ROS1: variants seen among roughly 807,000 people sequenced by gnomAD.
ROS1 encodes ROS proto-oncogene 1, receptor tyrosine kinase, also known as proto-oncogene tyrosine-protein kinase ROS.
A neutral mutation model predicts 273.5 loss-of-function variants in ROS1; 263 were observed. That is an observed-to-expected ratio of 0.96 (90% CI 0.87 to 1.06). The LOEUF is 1.06. Ranked by LOEUF, ROS1 falls within the 50% of genes least tolerant of loss-of-function variation. ROS1 has a pLI of 0.00. For synonymous variants in ROS1, 1,008 were observed against 954.1 expected (o/e 1.06, Z -1.04); for missense variants, 2,833 against 2,751.1 (o/e 1.03, Z -0.67).
At chr6:117,327,268 C>T (rs1776708145) in intron 33 of ROS1, among the ~76,000 whole-genome samples, 2 of 152,180 alleles carry the variant, frequency 1.3e-5, no homozygotes, top group South Asian at 2.1e-4. Flanking sequence ...TCGGGAGCAG[C>T]AGGGCAGCAG....
At position 117,365,104 on chromosome 6, in the gene ROS1, C is replaced by T; in HGVS notation, c.3059G>A (p.Gly1020Glu). The stretch of plus-strand genomic sequence containing the variant: ...TGACAGAGATGTTTTGGGGCCCTTT[C>T]CCCAGTAGGTATAAGGAGTGACAGA... The part of the protein sequence containing the change: ...NLSVTPYTYW[G>E]KGPKTSLSLR... Residue 1020 changes from glycine to glutamate, a missense_variant, in exon 21 of 44, where the codon GGA becomes GAA. Transcript: ENST00000368507. The T allele has an allele frequency of 6.2e-7, 1 of 1,613,726 alleles. No individual in the cohort carries two copies. The highest frequency in any genetic ancestry group is 1.1e-5 in the South Asian group (1 of 91,046).
rs745741484 is a variant in ROS1, at chr6:117,310,170, A to G, written c.6327T>C (p.Tyr2109=). ...LARDIYKNDY[Y]RKRGEGLLPV... ...GGAGCAGGCCTTCCCCTCTCTTTCT[A>G]TAGTAATCATTTTTATAGATGTCTC... Residue 2109 remains tyrosine (Y), a synonymous_variant, in exon 41 of 44, where the codon TAT becomes TAC. Coordinates refer to ENST00000368507, the MANE Select transcript of ROS1 (RefSeq NM_001378902.1). 3 of 1,613,318 alleles carry G rather than the reference A, an allele frequency of 1.9e-6. No homozygotes were observed. The highest frequency in any genetic ancestry group is 2.2e-5 in the East Asian group (1 of 44,836).
At chr6:117,325,940 C>A (rs2128580581) in intron 34 of ROS1, among the ~76,000 whole-genome samples, 1 of 151,598 alleles carries the variant, frequency 6.6e-6, no homozygotes, top group Non-Finnish European at 1.5e-5. Context: ...TGTGAACAGC[C>A]TTGGAAGCCT....
At chr6:117,363,084 G>A (rs1457722751) in intron 21 of ROS1, among the ~76,000 whole-genome samples, 2 of 152,094 alleles carry the variant, frequency 1.3e-5, no homozygotes, top group Non-Finnish European at 2.9e-5. Flanking sequence ...TGACTGACAG[G>A]CAAGACTTCC....
chr6:117,320,499 G>C (rs1371910609), intron 36 of ROS1, among the ~76,000 whole-genome samples: 1 of 152,008 alleles, frequency 6.6e-6, no homozygotes, highest in Non-Finnish European at 1.5e-5. Context: ...TCACCATAAG[G>C]TTAACTTTAA....
In ROS1 at chr6:117,356,502, C is replaced by T. The variant is rs142120857; in HGVS notation, c.4126+127G>A. The T allele has an allele frequency of 1.1e-3, 888 of 788,658 alleles. 5 individuals are homozygous for T. The African/African-American group carries it at 0.013, about 12-fold the overall frequency. The allele number at this position is 788,658 out of a possible 1,614,324, so 48.9% of individuals were successfully genotyped here. On this transcript the variant is annotated intron_variant, in intron 26 of 43. Transcript: ENST00000368507. ...ACTTGATTTGAATTCTGCAAGAACA[C>T]TTGGCATGGTACAGAGCAAATATCA...
rs914609502 is a variant in ROS1, at chr6:117,344,270, A to G, written c.4304-8T>C. On this transcript the variant is annotated splice_polypyrimidine_tract_variant and splice_region_variant and intron_variant, in intron 27 of 43. Coordinates refer to ENST00000368507, the MANE Select transcript of ROS1 (RefSeq NM_001378902.1). ...GAGACAGAAACGCTTTATCTAAAAT[A>G]AGAAGAAACCAAAAGATTAAATATC... The G allele has an allele frequency of 6.2e-7, 1 of 1,604,730 alleles. No homozygotes were observed. The highest frequency in any genetic ancestry group is 1.3e-5 in the African/African-American group (1 of 74,658).
intron 22 of ROS1, among the ~76,000 whole-genome samples, chr6:117,361,775 A>G (rs1159060993): frequency 6.6e-6 from 1 of 151,938 alleles, no homozygotes; most frequent in African/African-American, 2.4e-5. Context: ...TACACAACTC[A>G]AATCTCCAAA....
intron 43 of ROS1, among the ~76,000 whole-genome samples, chr6:117,290,000 T>C (rs1360608684): frequency 1.3e-5 from 2 of 152,142 alleles, no homozygotes; most frequent in Admixed American, 1.3e-4. Context: ...AATCCAATAA[T>C]TGGGGAAATT....
At chr6:117,404,990 C>T (rs150275413) in intron 5 of ROS1, among the ~76,000 whole-genome samples, 108 of 152,296 alleles carry the variant, frequency 7.1e-4, no homozygotes, top group African/African-American at 2.5e-3. Context: ...TTACAATTGG[C>T]AGCAATTTCT....
Position 117,342,492 on chromosome 6 carries a change from T to A in ROS1, c.4559A>T (p.Tyr1520Phe). The A allele has an allele frequency of 6.2e-7, 1 of 1,604,304 alleles. No homozygotes were observed. The highest frequency in any genetic ancestry group is 8.5e-7 in the Non-Finnish European group (1 of 1,172,258). ...LIEDLQPFST[Y>F]MIQIAVKNYY... ...ATTTTTTACAGCTATCTGTATCATG[T>A]ATGTTGAAAATGGTTGTAAATCTTC... Residue 1520 changes from tyrosine (Y) to phenylalanine (F), a missense_variant, in exon 29 of 44, where the codon TAC (tyrosine) becomes TTC (phenylalanine). Tyr to Phe is a conservative substitution (Grantham distance 22). Transcript: ENST00000368507.
chr6:117,315,396 C>G (rs571783700), intron 39 of ROS1, among the ~76,000 whole-genome samples: 24 of 152,014 alleles, frequency 1.6e-4, no homozygotes, highest in Non-Finnish European at 3.1e-4. Flanking sequence ...ATTAGCAAAG[C>G]AACTGTTACT....
intron 40 of ROS1, among the ~76,000 whole-genome samples, chr6:117,310,663 T>A (rs955432863): frequency 5.3e-5 from 8 of 152,118 alleles, no homozygotes; most frequent in African/African-American, 1.9e-4. Context: ...CCTGTGTTAG[T>A]TTGCTGAGGA....
At chr6:117,309,079 C>T (rs1402135003) in intron 41 of ROS1, 151 bp from the exon 42 acceptor site, 7 of 673,772 alleles carry the variant, frequency 1.0e-5, no homozygotes, top group Non-Finnish European at 1.7e-5. Flanking sequence ...GATATAAAAG[C>T]AGGCTGACAA....
At chr6:117,310,348 T>C in intron 40 of ROS1, 67 bp from the exon 41 acceptor site, 1 of 1,161,114 alleles carries the variant, frequency 8.6e-7, no homozygotes. Flanking sequence ...ATCAAAGAAG[T>C]AGCCCTAGTA....
At chr6:117,350,489 A>G (rs1778740906) in intron 27 of ROS1, among the ~76,000 whole-genome samples, 1 of 151,570 alleles carries the variant, frequency 6.6e-6, no homozygotes, top group African/African-American at 2.4e-5. Flanking sequence ...CCTTCTTGGT[A>G]TTCTTTGAGC....
intron 9 of ROS1, 132 bp from the exon 10 acceptor site, chr6:117,394,870 T>A (rs749699212): frequency 3.0e-6 from 2 of 663,266 alleles, no homozygotes; most frequent in Admixed American, 5.5e-5. Context: ...TTTTCTCTAA[T>A]GGCACTGGAG....
intron 42 of ROS1, among the ~76,000 whole-genome samples, chr6:117,308,032 G>T (rs1425582157): frequency 6.6e-6 from 1 of 152,132 alleles, no homozygotes; most frequent in East Asian, 1.9e-4. Flanking sequence ...TCCTTGGCAT[G>T]CTATGGTGCA....
At chr6:117,351,771 CTTG>C (rs1417372754) in intron 27 of ROS1, among the ~76,000 whole-genome samples, 1 of 152,132 alleles carries the variant, frequency 6.6e-6, no homozygotes, top group Admixed American at 6.5e-5. Flanking sequence ...CAGACTTTTA[CTTG>C]TTTTTGGGTG....
Sources: allele counts gnomAD v4.1 joint callset (sites outside exome capture counted in the v4.1 genomes callset), GRCh38; gene constraint gnomAD v4.1.1; transcripts MANE v1.5; gene names NCBI Gene and HGNC (gene_info 2026-07-23, HGNC 2026-07-21).